Variants in PDGFC observed in about 807,000 individuals in gnomAD.
PDGFC encodes the protein platelet derived growth factor C, also known as platelet-derived growth factor C.
In PDGFC, 12 loss-of-function variants were observed where a neutral mutation model predicts 35.5. That is an observed-to-expected ratio of 0.34 (90% CI 0.22 to 0.55). PDGFC has a LOEUF of 0.55. Among genes scored for constraint, PDGFC ranks in the 20% least tolerant of loss-of-function variants. The probability of loss-of-function intolerance (pLI) is 0.91; values close to 1 mark genes in which losing one functional copy is unlikely to be tolerated. For synonymous variants in PDGFC, 159 were observed against 148.8 expected, an observed-to-expected ratio of 1.07 and a Z score of -0.50; for missense variants, 322 against 412.4, an observed-to-expected ratio of 0.78 and a Z score of 1.90.
At chr4:156,867,911 C>T (rs1467799154) in intron 1 of PDGFC, among the ~76,000 whole-genome samples, 1 of 152,066 alleles carries the variant, frequency 6.6e-6, no homozygotes, top group Non-Finnish European at 1.5e-5. Flanking sequence ...CAGAGTCTTG[C>T]TCTGTCGCCC....
Position 156,935,993 on chromosome 4 carries a change from C to T in PDGFC, c.118+34793G>A, listed in dbSNP as rs144268233. 4.9e-3 allele frequency among the ~76,000 whole-genome samples: 746 copies of T among 152,224 alleles called. 4 individuals are homozygous for T. Among genetic ancestry groups the T allele is most frequent in the African/African-American group, 0.017 (712 of 41,532 alleles). ...GGAAAAAACCTGACAATTGCTAGAA[C>T]GAAAATACATGTGAAGTTGTAATTA... On this transcript the variant is annotated intron_variant, in intron 1 of 5. Transcript: ENST00000502773.
intron 2 of PDGFC, among the ~76,000 whole-genome samples, chr4:156,836,814 AT>A (rs906694220): frequency 1.3e-5 from 2 of 151,832 alleles, no homozygotes; most frequent in East Asian, 1.9e-4. Flanking sequence ...TTTGTAAAAG[AT>A]TTTTTTTTAG....
intron 2 of PDGFC, among the ~76,000 whole-genome samples, chr4:156,816,571 C>A (rs1240292671): frequency 6.6e-6 from 1 of 152,064 alleles, no homozygotes; most frequent in Non-Finnish European, 1.5e-5. Flanking sequence ...TTAATCCTCA[C>A]AACAATCATA....
intron 3 of PDGFC, among the ~76,000 whole-genome samples, chr4:156,795,764 G>T (rs1008900042): frequency 6.6e-6 from 1 of 152,122 alleles, no homozygotes; most frequent in Non-Finnish European, 1.5e-5. Flanking sequence ...TAAGATACCT[G>T]TTGGAACCAA....
intron 1 of PDGFC, among the ~76,000 whole-genome samples, chr4:156,914,530 G>A (rs1731113353): frequency 6.6e-6 from 1 of 152,136 alleles, no homozygotes; most frequent in South Asian, 2.1e-4. Flanking sequence ...TATTGCCAAA[G>A]TTATCACTGA....
chr4:156,864,037 G>A (rs146478099), intron 1 of PDGFC, among the ~76,000 whole-genome samples: 1,594 of 151,896 alleles, frequency 0.01, 14 homozygotes, highest in Non-Finnish European at 0.018. Context: ...TAGTTCATTT[G>A]TTTGTTTTAA....
chr4:156,970,863 G>A lies in PDGFC; in HGVS notation c.41C>T (p.Ala14Val), dbSNP rs200141022. The change falls in exon 1 of 6, where the codon GCC (alanine) becomes GTC (valine). Residue 14 changes from alanine to valine, a missense_variant. Transcript: ENST00000502773. ...FGLLLLTSAL[A>V]GQRQGTQAES... ...CGCCTGAGTCCCCTGTCTCTGGCCG[G>A]CCAGGGCAGATGTCAGCAGGAGAAG... 1 of 1,613,920 alleles carries A rather than the reference G, an allele frequency of 6.2e-7. No individual in the cohort carries two copies. The highest frequency in any genetic ancestry group is 8.5e-7 in the Non-Finnish European group (1 of 1,179,882).
intron 1 of PDGFC, among the ~76,000 whole-genome samples, chr4:156,896,871 AGACC>A (rs1730644965): frequency 6.6e-6 from 1 of 152,216 alleles, no homozygotes; most frequent in Non-Finnish European, 1.5e-5. Flanking sequence ...ATCTGGAAAT[AGACC>A]CTTTTTGTTT....
chr4:156,930,594 G>T (rs188454237), intron 1 of PDGFC, among the ~76,000 whole-genome samples: 3 of 152,198 alleles, frequency 2.0e-5, no homozygotes, highest in African/African-American at 7.2e-5. Context: ...TAGGCCGGGC[G>T]CAGCGTCTCA....
At chr4:156,794,081 G>C in intron 3 of PDGFC, among the ~76,000 whole-genome samples, 1 of 152,112 alleles carries the variant, frequency 6.6e-6, no homozygotes, top group Admixed American at 6.6e-5. Flanking sequence ...CAGCACCTTT[G>C]ACTGCGCACT....
chr4:156,905,378 T>G (rs1023221963), intron 1 of PDGFC, among the ~76,000 whole-genome samples: 4 of 152,116 alleles, frequency 2.6e-5, no homozygotes, highest in Non-Finnish European at 5.9e-5. Context: ...TAATATCACT[T>G]TTGTATTATA....
intron 1 of PDGFC, among the ~76,000 whole-genome samples, chr4:156,948,205 G>A (rs1221130298): frequency 6.7e-6 from 1 of 148,326 alleles, no homozygotes; most frequent in Admixed American, 6.7e-5. Context: ...CTCAAGAGGG[G>A]ATGTACAGCT....
chr4:156,763,978 TC>T (rs1185101893), intron 5 of PDGFC, among the ~76,000 whole-genome samples: 2 of 152,258 alleles, frequency 1.3e-5, no homozygotes, highest in African/African-American at 2.4e-5. Flanking sequence ...AGTTGTGTAT[TC>T]TATAAAATAT....
chr4:156,850,258 T>C lies in PDGFC; in HGVS notation c.277A>G (p.Arg93Gly). 6.3e-7 allele frequency: 1 copy of C among 1,599,090 alleles called. No individual in the cohort carries two copies. Among genetic ancestry groups the C allele is most frequent in the African/African-American group, 1.3e-5 (1 of 74,690 alleles). Residue 93 changes from arginine (R) to glycine (G), a missense_variant, in exon 2 of 6, where the codon AGA (arginine) becomes GGA (glycine). Physicochemically the swap from Arg to Gly is moderately radical, Grantham distance 125. Around this residue, in one of 2 missense-constraint regions of PDGFC, gnomAD observed 120 missense variants for 116.6 expected, o/e 1.03. Transcript: ENST00000502773. ...NVWIQLTFDE[R>G]FGLEDPEDDI... ...TCTTCTGGGTCTTCAAGCCCAAATC[T>C]TTCATCAAACGTAAGTTGTATCCAT...
At chr4:156,815,012 A>C (rs1283236344) in intron 2 of PDGFC, among the ~76,000 whole-genome samples, 2 of 152,130 alleles carry the variant, frequency 1.3e-5, no homozygotes, top group Non-Finnish European at 2.9e-5. Context: ...TAATTCTTAC[A>C]TGCTCATGCA....
At chr4:156,790,153 G>A (rs1445681520) in intron 3 of PDGFC, among the ~76,000 whole-genome samples, 2 of 152,080 alleles carry the variant, frequency 1.3e-5, no homozygotes, top group South Asian at 2.1e-4. Flanking sequence ...GTATGTATCT[G>A]TAAGACAGAT....
At chr4:156,803,541 G>A (rs1011650002) in intron 3 of PDGFC, among the ~76,000 whole-genome samples, 1 of 152,064 alleles carries the variant, frequency 6.6e-6, no homozygotes, top group African/African-American at 2.4e-5. Context: ...GAGTGAAGAA[G>A]TAGATATAAA....
intron 2 of PDGFC, among the ~76,000 whole-genome samples, chr4:156,843,206 C>T (rs887420261): frequency 2.1e-4 from 32 of 152,166 alleles, no homozygotes; most frequent in African/African-American, 7.0e-4. Context: ...AGATCCCTCA[C>T]CCATTTAACA....
In PDGFC at chr4:156,971,392, G is replaced by T. The variant is rs1240057863; in HGVS notation, c.-489C>A. ...AGCTGCCAATAGATGCGGCTCTCCG[G>T]GCGCCCCTCTCCCCCGCCCCACCCC... On this transcript the variant is annotated 5_prime_UTR_variant, in exon 1 of 6. Transcript: ENST00000502773. 1 of 394,662 alleles carries T rather than the reference G, an allele frequency of 2.5e-6. No homozygotes were observed. The highest frequency in any genetic ancestry group is 3.6e-5 in the East Asian group (1 of 27,764). 24.4% of individuals were successfully genotyped at this position (394,662 alleles called of 1,614,324 possible). A position where few individuals can be genotyped will look rare whatever the true frequency, so the allele number is the denominator to read the frequency against.
Sources: allele counts gnomAD v4.1 joint callset (sites outside exome capture counted in the v4.1 genomes callset), GRCh38; gene constraint gnomAD v4.1.1; regional missense constraint gnomAD v4.1.1; transcripts MANE v1.5; gene names NCBI Gene and HGNC (gene_info 2026-07-23, HGNC 2026-07-21).